RSAD2: variants seen among roughly 807,000 people sequenced by gnomAD.
RSAD2 encodes the protein S-adenosylmethionine-dependent nucleotide dehydratase RSAD2.
Under a neutral mutation model 37.7 loss-of-function variants are expected in RSAD2, and 38 were observed. That is an observed-to-expected ratio of 1.01 (90% confidence interval 0.78 to 1.32). The LOEUF is 1.32. RSAD2 is among the 40% of genes most tolerant of loss of function. The probability of loss-of-function intolerance (pLI) is 0.00; values close to 1 mark genes in which losing one functional copy is unlikely to be tolerated. For missense variants in RSAD2, 428 were observed against 437.5 expected, an observed-to-expected ratio of 0.98 and a Z score of 0.19; for synonymous variants, 163 against 157.4, an observed-to-expected ratio of 1.04 and a Z score of -0.27.
At chr2:6,868,775 G>A (rs1028883328) in intron 1 of RSAD2, among the ~76,000 whole-genome samples, 6 of 152,202 alleles carry the variant, frequency 3.9e-5, no homozygotes, top group Non-Finnish European at 8.8e-5. Flanking sequence ...TGAGGGAAGA[G>A]TTGCCATAAC....
intron 4 of RSAD2, among the ~76,000 whole-genome samples, chr2:6,891,468 A>C (rs1663626772): frequency 6.6e-6 from 1 of 152,220 alleles, no homozygotes; most frequent in South Asian, 2.1e-4. Context: ...ATGTTACTGC[A>C]GTATTAAGAA....
chr2:6,883,333 T>G (rs772759831), intron 1 of RSAD2, 38 bp from the exon 2 acceptor site: 1 of 1,593,784 alleles, frequency 6.3e-7, no homozygotes, highest in Non-Finnish European at 8.6e-7. Flanking sequence ...ATAATGTATA[T>G]TTGTGAAGTG....
chr2:6,886,898 T>C (rs747467947), intron 2 of RSAD2, 37 bp from the exon 3 acceptor site: 4 of 1,530,514 alleles, frequency 2.6e-6, no homozygotes, highest in Non-Finnish European at 2.7e-6. Context: ...GCTTGGTCCT[T>C]GGATAGAAAA....
chr2:6,894,006 TCA>T (rs2103249552), intron 5 of RSAD2, among the ~76,000 whole-genome samples: 1 of 152,300 alleles, frequency 6.6e-6, no homozygotes, highest in Non-Finnish European at 1.5e-5. Context: ...GAACCCGTTA[TCA>T]CACACAACAG....
At chr2:6,884,725 A>G (rs1663481580) in intron 2 of RSAD2, among the ~76,000 whole-genome samples, 1 of 152,238 alleles carries the variant, frequency 6.6e-6, no homozygotes, top group South Asian at 2.1e-4. Flanking sequence ...ATAGGAAAGC[A>G]TGAAGACTGT....
Position 6,883,546 on chromosome 2 carries a change from G to T in RSAD2, c.508+14G>T. The stretch of plus-strand genomic sequence containing the variant: ...TCCAGAATTATGGTGTGCTCCATGG[G>T]ATGGCATTCTTCTTATTGCTATTGC... On this transcript the variant is annotated intron_variant, in intron 2 of 5. Coordinates refer to ENST00000382040, the MANE Select transcript of RSAD2 (RefSeq NM_080657.5). 6.8e-6 allele frequency: 11 copies of T among 1,613,528 alleles called. No individual in the cohort carries two copies. Among genetic ancestry groups the T allele is most frequent in the Non-Finnish European group, 9.3e-6 (11 of 1,179,566 alleles).
At chr2:6,881,997 A>G (rs1663415595) in intron 1 of RSAD2, among the ~76,000 whole-genome samples, 1 of 152,248 alleles carries the variant, frequency 6.6e-6, no homozygotes, top group Non-Finnish European at 1.5e-5. Flanking sequence ...GGTATGTAAC[A>G]CATGCAAGAG....
intron 3 of RSAD2, among the ~76,000 whole-genome samples, chr2:6,887,978 C>T (rs1312439946): frequency 3.3e-5 from 5 of 152,180 alleles, no homozygotes; most frequent in Admixed American, 2.6e-4. Flanking sequence ...GCTACCATAT[C>T]GTGAAATGGC....
intron 1 of RSAD2, among the ~76,000 whole-genome samples, chr2:6,870,497 C>G (rs1444919366): frequency 1.3e-5 from 2 of 152,202 alleles, no homozygotes; most frequent in Non-Finnish European, 2.9e-5. Flanking sequence ...GAATTCATAC[C>G]TTCCATGCTT....
chr2:6,890,073 T>A, intron 3 of RSAD2, 103 bp from the exon 4 acceptor site: 1 of 1,074,744 alleles, frequency 9.3e-7, no homozygotes, highest in Non-Finnish European at 1.4e-6. Context: ...GCTCGTAGAG[T>A]CTCTTTGCTC....
intron 2 of RSAD2, among the ~76,000 whole-genome samples, chr2:6,884,777 G>A (rs905163639): frequency 2.6e-5 from 4 of 152,244 alleles, no homozygotes; most frequent in African/African-American, 9.6e-5. Context: ...TAGTGCATGA[G>A]TGGAGCGCCA....
intron 1 of RSAD2, chr2:6,879,020 C>T (rs1295818477): frequency 2.2e-6 from 1 of 464,688 alleles, no homozygotes; most frequent in Non-Finnish European, 4.3e-6. Context: ...GAAGTGCATG[C>T]TGCACTCCAG....
intron 1 of RSAD2, chr2:6,866,312 C>T (rs537973995): frequency 3.3e-4 from 167 of 503,076 alleles, no homozygotes; most frequent in African/African-American, 3.3e-3. Flanking sequence ...TCTAATCCTG[C>T]AGAGCTGCTT....
At chr2:6,883,646 G>C (rs1663459786) in intron 2 of RSAD2, 114 bp downstream of exon 2, 19 of 1,204,988 alleles carry the variant, frequency 1.6e-5, no homozygotes, top group Non-Finnish European at 2.2e-5. Context: ...CTGGAAGGGA[G>C]GAAAAACTAA....
Position 6,867,373 on chromosome 2 carries a change from T to C in RSAD2, c.142+1328T>C, listed in dbSNP as rs191399302. ...TTCTCACGGGACCTTTCCTTTGTGC[T>C]TGCATCCTTGGCGTCTCCTTGAAGT... On this transcript the variant is annotated intron_variant, in intron 1 of 5. Transcript: ENST00000442639. Among the ~76,000 whole-genome samples, 630 of 152,324 alleles carry C rather than the reference T, an allele frequency of 4.1e-3. 3 individuals carry two copies. The highest frequency in any genetic ancestry group is 4.8e-3 in the Non-Finnish European group (325 of 68,038).
intron 4 of RSAD2, 121 bp from the exon 5 acceptor site, chr2:6,893,550 C>T (rs1402341783): frequency 1.2e-6 from 1 of 807,776 alleles, no homozygotes; most frequent in Non-Finnish European, 2.1e-6. Context: ...AAAGGCAACT[C>T]AAGGGAAATG....
At chr2:6,886,839 A>T (rs1367338813) in intron 2 of RSAD2, 96 bp from the exon 3 acceptor site, 2 of 870,776 alleles carry the variant, frequency 2.3e-6, no homozygotes, top group Non-Finnish European at 3.5e-6. Flanking sequence ...TCTTTTTAAA[A>T]ATTTAAACAA....
intron 1 of RSAD2, chr2:6,878,755 G>A (rs1572154053): frequency 7.1e-6 from 7 of 988,818 alleles, no homozygotes; most frequent in East Asian, 6.4e-5. Context: ...CGTGACCTTC[G>A]AATGCAATAT....
chr2:6,880,277 A>AG (rs1287915875), intron 1 of RSAD2, among the ~76,000 whole-genome samples: 3 of 152,198 alleles, frequency 2.0e-5, no homozygotes, highest in Non-Finnish European at 4.4e-5. Context: ...TTTATTTTAG[A>AG]GAAAAAAAAC....
Sources: allele counts gnomAD v4.1 joint callset (sites outside exome capture counted in the v4.1 genomes callset), GRCh38; gene constraint gnomAD v4.1.1; transcripts MANE v1.5; gene names NCBI Gene and HGNC (gene_info 2026-07-23, HGNC 2026-07-21).